The following NTM variants were observed in gnomAD, a reference collection of about 807,000 sequenced individuals.
NTM encodes IgLON family member 2.
A neutral mutation model predicts 42.1 loss-of-function variants in NTM; 13 were observed. The ratio of observed to expected loss-of-function variants is 0.31; its 90% CI spans 0.20 to 0.49. NTM has a LOEUF of 0.49. NTM is among the 20% of genes least tolerant of loss of function. The probability of loss-of-function intolerance (pLI) is 0.99; values close to 1 mark genes in which losing one functional copy is unlikely to be tolerated. For missense variants in NTM, 373 were observed against 452.8 expected (o/e 0.82, Z 1.60); for synonymous variants, 187 against 179.2 (o/e 1.04, Z -0.35).
intron 2 of NTM, among the ~76,000 whole-genome samples, chr11:131,975,824 TG>T (rs763982388): frequency 2.5e-4 from 38 of 152,264 alleles, no homozygotes; most frequent in Non-Finnish European, 2.6e-4. Flanking sequence ...TTTCAATCTC[TG>T]GTCATCAGGA....
intron 2 of NTM, among the ~76,000 whole-genome samples, chr11:132,092,906 A>C (rs2136430984): frequency 6.6e-6 from 1 of 152,190 alleles, no homozygotes; most frequent in South Asian, 2.1e-4. Context: ...TCCTTGGATA[A>C]CTCAAGCTGC....
At chr11:131,726,534 C>A (rs894489274) in intron 1 of NTM, among the ~76,000 whole-genome samples, 5 of 151,108 alleles carry the variant, frequency 3.3e-5, no homozygotes, top group African/African-American at 1.2e-4. Flanking sequence ...GGAGAGTGAT[C>A]GCACAGCACA....
intron 1 of NTM, among the ~76,000 whole-genome samples, chr11:131,508,398 A>G (rs1258773144): frequency 6.6e-6 from 1 of 150,646 alleles, no homozygotes; most frequent in Non-Finnish European, 1.5e-5. Flanking sequence ...GGTGCTAAAG[A>G]GGATGTGGAG....
intron 1 of NTM, among the ~76,000 whole-genome samples, chr11:131,454,290 T>A (rs1950703635): frequency 6.6e-6 from 1 of 152,222 alleles, no homozygotes; most frequent in Admixed American, 6.5e-5. Flanking sequence ...AGAAAAAACA[T>A]ATTAACCTAT....
intron 1 of NTM, among the ~76,000 whole-genome samples, chr11:131,491,632 G>C (rs555601144): frequency 6.6e-6 from 1 of 151,958 alleles, no homozygotes; most frequent in Non-Finnish European, 1.5e-5. Context: ...TAAAGTACTG[G>C]AGTTGGTATT....
chr11:132,291,033 G>A (rs1049326590), intron 4 of NTM, among the ~76,000 whole-genome samples: 14 of 152,312 alleles, frequency 9.2e-5, no homozygotes, highest in South Asian at 2.1e-4. Flanking sequence ...ACAATGGGCC[G>A]TATAGGAATT....
intron 2 of NTM, among the ~76,000 whole-genome samples, chr11:132,058,096 T>C (rs979518113): frequency 6.6e-6 from 1 of 152,252 alleles, no homozygotes; most frequent in Non-Finnish European, 1.5e-5. Flanking sequence ...TGAGTTGTTC[T>C]GTCTGTTGAG....
intron 2 of NTM, among the ~76,000 whole-genome samples, chr11:131,919,017 A>G (rs563317694): frequency 6.6e-6 from 1 of 152,280 alleles, no homozygotes; most frequent in East Asian, 1.9e-4. Flanking sequence ...TGAACCAGTC[A>G]AGGCAGACAC....
chr11:132,031,478 A>G (rs2075909850), intron 2 of NTM, among the ~76,000 whole-genome samples: 1 of 152,012 alleles, frequency 6.6e-6, no homozygotes, highest in Admixed American at 6.6e-5. Flanking sequence ...CATCTTCTGG[A>G]TTTGTTTTTC....
intron 3 of NTM, among the ~76,000 whole-genome samples, chr11:132,160,697 C>T (rs1202008177): frequency 6.6e-6 from 1 of 152,086 alleles, no homozygotes; most frequent in Non-Finnish European, 1.5e-5. Context: ...AGGGGAGGCC[C>T]CTGAAGAAGC....
At chr11:132,217,439 CTCTTTCTCTCTTTTTCCT>C (rs2084129559) in intron 4 of NTM, among the ~76,000 whole-genome samples, 1 of 151,288 alleles carries the variant, frequency 6.6e-6, no homozygotes, top group South Asian at 2.1e-4. Flanking sequence ...CTCAGGTTCT[CTCTTTCTCTCTTTTTCCT>C]TCTTTCTCTC....
chr11:131,657,976 G>C (rs1369816378), intron 1 of NTM, among the ~76,000 whole-genome samples: 2 of 152,312 alleles, frequency 1.3e-5, no homozygotes, highest in South Asian at 4.1e-4. Flanking sequence ...AGTGAGCTCT[G>C]AAGAGACCTG....
chr11:132,188,514 C>T (rs554446509), intron 3 of NTM, among the ~76,000 whole-genome samples: 11 of 152,278 alleles, frequency 7.2e-5, no homozygotes, highest in South Asian at 2.1e-4. Flanking sequence ...AATGAACTTA[C>T]GCCGGTCTCT....
intron 1 of NTM, among the ~76,000 whole-genome samples, chr11:131,868,729 C>T (rs1174152022): frequency 1.3e-5 from 2 of 152,110 alleles, no homozygotes; most frequent in Non-Finnish European, 2.9e-5. Flanking sequence ...CAAATGACTC[C>T]TCAAATCTCC....
chr11:131,897,522 T>C (rs189648525), intron 1 of NTM, among the ~76,000 whole-genome samples: 2 of 152,360 alleles, frequency 1.3e-5, no homozygotes, highest in African/African-American at 4.8e-5. Context: ...AGGTCAGGAA[T>C]TGTGTTAGAC....
intron 1 of NTM, among the ~76,000 whole-genome samples, chr11:131,479,800 G>T (rs539384709): frequency 1.3e-5 from 2 of 152,132 alleles, no homozygotes; most frequent in Non-Finnish European, 2.9e-5. Flanking sequence ...GTGTGAGAAC[G>T]TCAGCACAGA....
chr11:132,108,874 G>A (rs1303948018), intron 2 of NTM, among the ~76,000 whole-genome samples: 2 of 151,974 alleles, frequency 1.3e-5, no homozygotes, highest in African/African-American at 4.8e-5. Context: ...CCCCTGACAG[G>A]CCCCAGTGTG....
chr11:132,237,826 C>T (rs1162622475), intron 4 of NTM, among the ~76,000 whole-genome samples: 1 of 152,196 alleles, frequency 6.6e-6, no homozygotes, highest in Non-Finnish European at 1.5e-5. Flanking sequence ...TCCCAGGCCT[C>T]GGCTCCGAGG....
intron 3 of NTM, among the ~76,000 whole-genome samples, chr11:132,166,850 GC>G (rs1280040739): frequency 3.9e-4 from 59 of 152,144 alleles, no homozygotes; most frequent in African/African-American, 1.4e-3. Flanking sequence ...GATCCTGCCT[GC>G]CTCACAATCT....
Sources: gnomAD v4.1 joint callset for allele counts (sites outside exome capture counted in the v4.1 genomes callset) on GRCh38, gnomAD v4.1.1 for gene constraint, MANE v1.5 for transcripts, NCBI Gene and HGNC (gene_info 2026-07-23, HGNC 2026-07-21) for gene names.